The following RALGAPA2 variants were observed in gnomAD, a reference collection of about 807,000 sequenced individuals.
RALGAPA2 encodes Ral GTPase activating protein catalytic subunit alpha 2, also known as ral GTPase-activating protein subunit alpha-2.
RALGAPA2 carries 139 observed loss-of-function variants against 230.4 expected under a neutral mutation model. The ratio of observed to expected loss-of-function variants is 0.60; its 90% CI spans 0.53 to 0.69. RALGAPA2 has a LOEUF of 0.69. Among genes scored for constraint, RALGAPA2 ranks in the 30% least tolerant of loss-of-function variants. RALGAPA2 has a pLI of 0.00. For missense variants in RALGAPA2, 2,163 were observed against 2,276.0 expected (o/e 0.95, Z 1.01); for synonymous variants, 847 against 837.8 (o/e 1.01, Z -0.19).
At chr20:20,655,315 CA>C (rs1343622097) in intron 3 of RALGAPA2, among the ~76,000 whole-genome samples, 2 of 149,506 alleles carry the variant, frequency 1.3e-5, no homozygotes, top group Non-Finnish European at 1.5e-5. Flanking sequence ...TATCAGTTAG[CA>C]AAAAAAAATT....
At chr20:20,402,709 A>G (rs1241936302) in intron 38 of RALGAPA2, among the ~76,000 whole-genome samples, 1 of 152,214 alleles carries the variant, frequency 6.6e-6, no homozygotes, top group South Asian at 2.1e-4. Flanking sequence ...AGAGATGGGA[A>G]TACATGGCGA....
chr20:20,434,423 C>A (rs537723733), intron 37 of RALGAPA2, among the ~76,000 whole-genome samples: 16 of 152,246 alleles, frequency 1.1e-4, no homozygotes, highest in African/African-American at 3.6e-4. Flanking sequence ...CACTCTCAGT[C>A]CCCTGTGAGC....
intron 37 of RALGAPA2, among the ~76,000 whole-genome samples, chr20:20,421,653 A>G (rs1215186024): frequency 6.6e-6 from 1 of 152,144 alleles, no homozygotes; most frequent in Non-Finnish European, 1.5e-5. Context: ...CTGGGCAACA[A>G]GAGCGAAACT....
intron 37 of RALGAPA2, among the ~76,000 whole-genome samples, chr20:20,455,650 C>A (rs1317927394): frequency 6.6e-6 from 1 of 152,152 alleles, no homozygotes; most frequent in Non-Finnish European, 1.5e-5. Context: ...GTTCCTCCAG[C>A]GGCTGAGAGG....
At chr20:20,465,525 A>C (rs1405779470) in intron 37 of RALGAPA2, among the ~76,000 whole-genome samples, 1 of 152,188 alleles carries the variant, frequency 6.6e-6, no homozygotes, top group Non-Finnish European at 1.5e-5. Context: ...GAGGGGGGAA[A>C]GAGAGAAAGA....
chr20:20,412,193 T>C lies in RALGAPA2; in HGVS notation c.5496-45A>G, dbSNP rs558014285. Reference sequence around the variant, plus strand: ...AAACAAGTGCACGTGCAAAGTGGCATGCAGAGCAGTGACAGAATTCACTTT... The same window carrying C: ...AAACAAGTGCACGTGCAAAGTGGCACGCAGAGCAGTGACAGAATTCACTTT... On this transcript the variant is annotated intron_variant, in intron 37 of 39. Transcript: ENST00000202677. 179 of 1,606,478 alleles carry C rather than the reference T, an allele frequency of 1.1e-4. 1 individual carries two copies. The South Asian group carries it at 1.9e-3, about 17-fold the overall frequency.
rs372667928 is a variant in RALGAPA2, at chr20:20,414,978, C to T, written c.5496-2830G>A. ...GGCCCAAGCCAGGGCATGTAAACAC[C>T]CTGACAAAGAGAAAACAAATATCCC... On this transcript the variant is annotated intron_variant, in intron 37 of 39. Transcript: ENST00000202677. Among the ~76,000 whole-genome samples the T allele has an allele frequency of 2.6e-5, 4 of 152,334 alleles. No individual in the cohort carries two copies. In the East Asian group the frequency reaches 7.7e-4, roughly 29 times the overall value.
intron 19 of RALGAPA2, among the ~76,000 whole-genome samples, chr20:20,584,298 T>TTTC (rs1297049299): frequency 6.6e-6 from 1 of 152,230 alleles, no homozygotes; most frequent in Non-Finnish European, 1.5e-5. Flanking sequence ...CTCTGGGAAC[T>TTTC]TTCTGGGGAA....
chr20:20,412,183 C>G, intron 37 of RALGAPA2, 35 bp from the exon 38 acceptor site: 1 of 1,611,502 alleles, frequency 6.2e-7, no homozygotes. Flanking sequence ...AGTGCACGTG[C>G]AAAGTGGCAT....
At chr20:20,538,070 C>T (rs1261187289) in intron 24 of RALGAPA2, among the ~76,000 whole-genome samples, 1 of 152,136 alleles carries the variant, frequency 6.6e-6, no homozygotes, top group Admixed American at 6.6e-5. Flanking sequence ...AGAGATGAGG[C>T]GCAGTATGTG....
At chr20:20,445,022 C>T (rs2060829282) in intron 37 of RALGAPA2, among the ~76,000 whole-genome samples, 1 of 152,174 alleles carries the variant, frequency 6.6e-6, no homozygotes, top group African/African-American at 2.4e-5. Context: ...TCAATAATGT[C>T]CCCAAAGTGC....
At chr20:20,521,493 G>A (rs943698758) in intron 30 of RALGAPA2, among the ~76,000 whole-genome samples, 7 of 152,050 alleles carry the variant, frequency 4.6e-5, no homozygotes, top group African/African-American at 2.4e-5. Context: ...ATTAGTGCAC[G>A]TCATAACCAG....
In RALGAPA2 at chr20:20,524,959, G is replaced by C. The variant is rs372369478; in HGVS notation, c.3694-61C>G. ...TATTTGTAAGCCTTTGTAAGCCTAT[G>C]TTAGGAGTCCCACGATGGCCTTGCA... On this transcript the variant is annotated intron_variant, in intron 28 of 39. Transcript: ENST00000202677. 1.0e-4 allele frequency: 150 copies of C among 1,463,598 alleles called. No individual in the cohort carries two copies. In the African/African-American group the frequency reaches 1.8e-3, roughly 18 times the overall value. 90.7% of individuals were successfully genotyped at this position (1,463,598 alleles called of 1,614,324 possible).
intron 12 of RALGAPA2, among the ~76,000 whole-genome samples, chr20:20,616,477 AAAAGCTTTTGAAGACTTTTCAAC>A (rs1173449044): frequency 4.6e-5 from 7 of 152,218 alleles, no homozygotes; most frequent in African/African-American, 1.4e-4. Flanking sequence ...TATGAGTCAG[AAAAGCTTTTGAAGACTTTTCAAC>A]AACCCCTCAA....
At chr20:20,659,882 A>C in intron 3 of RALGAPA2, 1 of 486,818 alleles carries the variant, frequency 2.1e-6, no homozygotes, top group Non-Finnish European at 3.9e-6. Context: ...CTACAGTACA[A>C]CTACACTTTC....
At chr20:20,698,015 T>C (rs2069185164) in intron 1 of RALGAPA2, among the ~76,000 whole-genome samples, 1 of 152,002 alleles carries the variant, frequency 6.6e-6, no homozygotes, top group South Asian at 2.1e-4. Context: ...GTCCTAAGAA[T>C]TACAAATACA....
chr20:20,390,115 T>C lies in RALGAPA2; in HGVS notation c.*3174A>G, dbSNP rs367953585. On this transcript the variant is annotated 3_prime_UTR_variant, in exon 40 of 40. Transcript: ENST00000202677. Reference sequence around the variant, plus strand: ...TCACAGTTAGGTTTTAAAGGATTCATCAGACCTCCACATGACACCGATACA... The same window carrying C: ...TCACAGTTAGGTTTTAAAGGATTCACCAGACCTCCACATGACACCGATACA... 28 of 152,180 alleles carry C rather than the reference T, an allele frequency of 1.8e-4. No individual in the cohort carries two copies. The highest frequency in any genetic ancestry group is 6.8e-4 in the African/African-American group (28 of 41,430). 9.4% of individuals were successfully genotyped at this position (152,180 alleles called of 1,614,324 possible). A position where few individuals can be genotyped will look rare whatever the true frequency, so the allele number is the denominator to read the frequency against.
At chr20:20,696,479 A>G (rs979623532) in intron 1 of RALGAPA2, among the ~76,000 whole-genome samples, 24 of 152,298 alleles carry the variant, frequency 1.6e-4, no homozygotes, top group Non-Finnish European at 2.5e-4. Flanking sequence ...AGGTCAGTTC[A>G]GATCACTCCT....
chr20:20,639,033 G>T (rs59566248), intron 7 of RALGAPA2, among the ~76,000 whole-genome samples: 1,690 of 152,302 alleles, frequency 0.011, 30 homozygotes, highest in African/African-American at 0.039. Context: ...AGCAAAACCT[G>T]AAGTGTGCCC....
Sources: gnomAD v4.1 joint callset for allele counts (sites outside exome capture counted in the v4.1 genomes callset) on GRCh38, gnomAD v4.1.1 for gene constraint, MANE v1.5 for transcripts, NCBI Gene and HGNC (gene_info 2026-07-23, HGNC 2026-07-21) for gene names.